The following ALMS1 variants were observed in gnomAD, a reference collection of about 807,000 sequenced individuals.
ALMS1 encodes centrosome-associated protein ALMS1.
ALMS1 carries 271 observed loss-of-function variants against 352.2 expected under a neutral mutation model. That is an observed-to-expected ratio of 0.77 (90% CI 0.70 to 0.85). The LOEUF (loss-of-function observed/expected upper bound fraction) is 0.85, where lower values mean the gene tolerates loss of function less well. ALMS1 is among the 40% of genes least tolerant of loss of function. The pLI, the probability that ALMS1 is intolerant of heterozygous loss-of-function variation, is 0.00. For synonymous variants in ALMS1, 1,865 were observed against 1,761.2 expected, an observed-to-expected ratio of 1.06 and a Z score of -1.48; for missense variants, 5,445 against 4,870.7, an observed-to-expected ratio of 1.12 and a Z score of -3.51.
chr2:73,534,755 C>T, intron 11 of ALMS1, 69 bp from the exon 12 acceptor site: 1 of 1,522,030 alleles, frequency 6.6e-7, no homozygotes, highest in Non-Finnish European at 9.1e-7. Context: ...ACATAGAAGG[C>T]ATTCCATATT....
At chr2:73,508,207 C>CTTTTTTTT (rs562118895) in intron 10 of ALMS1, among the ~76,000 whole-genome samples, 1 of 108,066 alleles carries the variant, frequency 9.3e-6, no homozygotes, top group African/African-American at 3.5e-5. Flanking sequence ...TCTTCTTCTT[C>CTTTTTTTT]TTTTTTTTTT....
At chr2:73,407,269 A>G (rs1670990951) in intron 1 of ALMS1, among the ~76,000 whole-genome samples, 1 of 152,086 alleles carries the variant, frequency 6.6e-6, no homozygotes, top group African/African-American at 2.4e-5. Context: ...CCATCAAGTC[A>G]TTAAGCCGTT....
At chr2:73,428,209 CA>C (rs1671418468) in intron 6 of ALMS1, among the ~76,000 whole-genome samples, 1 of 152,150 alleles carries the variant, frequency 6.6e-6, no homozygotes, top group African/African-American at 2.4e-5. Flanking sequence ...TGTCCTCTGT[CA>C]ATCCTATCAA....
chr2:73,411,584 A>C (rs1671078588), intron 2 of ALMS1, among the ~76,000 whole-genome samples: 1 of 152,082 alleles, frequency 6.6e-6, no homozygotes, highest in Non-Finnish European at 1.5e-5. Context: ...ACCCTAAAGC[A>C]CTTCATTTCA....
At chr2:73,484,965 T>G (rs1320443592) in intron 9 of ALMS1, among the ~76,000 whole-genome samples, 1 of 152,198 alleles carries the variant, frequency 6.6e-6, no homozygotes, top group African/African-American at 2.4e-5. Flanking sequence ...TTATTCTAGT[T>G]ACACATTCTT....
intron 10 of ALMS1, among the ~76,000 whole-genome samples, chr2:73,515,424 T>C (rs1361066777): frequency 6.6e-6 from 1 of 152,108 alleles, no homozygotes; most frequent in African/African-American, 2.4e-5. Context: ...TCTCAATTTT[T>C]GATCATTTTT....
chr2:73,402,713 G>A (rs934663375), intron 1 of ALMS1, among the ~76,000 whole-genome samples: 22 of 152,144 alleles, frequency 1.4e-4, no homozygotes, highest in African/African-American at 5.1e-4. Flanking sequence ...TTAAATAATA[G>A]CCATCCTAAC....
At chr2:73,550,184 G>T (rs1232214315) in intron 12 of ALMS1, 83 bp from the exon 13 acceptor site, 1 of 1,489,568 alleles carries the variant, frequency 6.7e-7, no homozygotes, top group Non-Finnish European at 9.3e-7. Context: ...CATAGAATTG[G>T]TCTAAGAGGC....
chr2:73,433,235 C>T (rs1170428533), intron 7 of ALMS1, among the ~76,000 whole-genome samples: 4 of 152,146 alleles, frequency 2.6e-5, no homozygotes, highest in African/African-American at 7.2e-5. Context: ...TTTGTTTTTC[C>T]TGCTAACACT....
chr2:73,536,208 T>C (rs6758075), intron 12 of ALMS1, among the ~76,000 whole-genome samples: 2,683 of 152,322 alleles, frequency 0.018, 81 homozygotes, highest in African/African-American at 0.062. Context: ...CACTTACTCA[T>C]AGTTCAGAAG....
At chr2:73,487,025 G>A (rs1160482116) in intron 9 of ALMS1, among the ~76,000 whole-genome samples, 1 of 152,158 alleles carries the variant, frequency 6.6e-6, no homozygotes, top group Non-Finnish European at 1.5e-5. Context: ...TCCAGCCTGG[G>A]TGACACAGCA....
At position 73,533,516 on chromosome 2, in the gene ALMS1, A is replaced by G. The variant is rs11677419; in HGVS notation, c.9782-1308A>G. 7.9e-3 allele frequency among the ~76,000 whole-genome samples: 1,208 copies of G among 152,134 alleles called. 5 individuals are homozygous for G. The highest frequency in any genetic ancestry group is 0.013 in the Non-Finnish European group (875 of 67,990). On this transcript the variant is annotated intron_variant, in intron 11 of 22. Transcript: ENST00000613296. ...AGGAAGTGGGGGGCTTTAATGGGAT[A>G]CCTTTACTGGAATGCCTGGAAGTTT...
chr2:73,498,804 A>G (rs1263330522), intron 10 of ALMS1, among the ~76,000 whole-genome samples: 3 of 152,052 alleles, frequency 2.0e-5, no homozygotes, highest in Admixed American at 2.0e-4. Context: ...ACATTTTCTT[A>G]CCCATCTATT....
At chr2:73,588,834 T>C (rs997326810) in intron 16 of ALMS1, among the ~76,000 whole-genome samples, 2 of 152,342 alleles carry the variant, frequency 1.3e-5, no homozygotes, top group Middle Eastern at 3.4e-3. Flanking sequence ...TAATGTTTCA[T>C]ATATTTTTGT....
rs1572969339 is a variant in ALMS1, at chr2:73,490,101, C to T, written c.8142C>T (p.Ser2714=). 5 of 1,614,158 alleles carry T rather than the reference C, an allele frequency of 3.1e-6. No homozygotes were observed. Among genetic ancestry groups the T allele is most frequent in the Non-Finnish European group, 3.4e-6 (4 of 1,180,026 alleles). Residue 2714 remains serine, a synonymous_variant, in exon 10 of 23, where the codon TCC becomes TCT. Coordinates refer to ENST00000613296, the MANE Select transcript of ALMS1 (RefSeq NM_001378454.1). ...SPEPMKKFTT[S]ITFSSHRHSK... ...AACCCATGAAAAAGTTTACTACCTCCATCACTTTTTCATCTCACCGACATT... is the reference window on the plus strand; with the variant it reads ...AACCCATGAAAAAGTTTACTACCTCTATCACTTTTTCATCTCACCGACATT...
chr2:73,589,772 A>T (rs535125401), intron 16 of ALMS1, among the ~76,000 whole-genome samples: 1 of 152,316 alleles, frequency 6.6e-6, no homozygotes, highest in Admixed American at 6.5e-5. Context: ...GGTTCCTGTC[A>T]GTTCCCCAGC....
chr2:73,582,215 T>G (rs925154122), intron 16 of ALMS1, among the ~76,000 whole-genome samples: 2 of 152,228 alleles, frequency 1.3e-5, no homozygotes, highest in African/African-American at 4.8e-5. Flanking sequence ...TGAAGGTCTC[T>G]CTTTTGAAAC....
At chr2:73,461,861 G>A (rs1417990247) in intron 9 of ALMS1, among the ~76,000 whole-genome samples, 2 of 152,130 alleles carry the variant, frequency 1.3e-5, no homozygotes, top group African/African-American at 2.4e-5. Context: ...ATCAGTGATG[G>A]AAGATGAAAT....
At chr2:73,394,074 G>C (rs1670706615) in intron 1 of ALMS1, among the ~76,000 whole-genome samples, 1 of 152,030 alleles carries the variant, frequency 6.6e-6, no homozygotes, top group Admixed American at 6.5e-5. Flanking sequence ...GCCCACCTCG[G>C]CCTCTCAATG....
Sources: allele counts gnomAD v4.1 joint callset (sites outside exome capture counted in the v4.1 genomes callset), GRCh38; gene constraint gnomAD v4.1.1; transcripts MANE v1.5; gene names NCBI Gene and HGNC (gene_info 2026-07-23, HGNC 2026-07-21).